Variants in FGGY observed in about 807,000 individuals in gnomAD.
FGGY encodes FGGY carbohydrate kinase domain-containing protein.
Under a neutral mutation model 71.3 loss-of-function variants are expected in FGGY, and 72 were observed. The ratio of observed to expected loss-of-function variants is 1.01; its 90% CI spans 0.84 to 1.23. FGGY has a LOEUF of 1.23. Ranked by LOEUF, FGGY falls within the 50% of genes most tolerant of loss-of-function variation. FGGY has a pLI of 0.00. For missense variants in FGGY, 668 were observed against 682.3 expected, an observed-to-expected ratio of 0.98 and a Z score of 0.23; for synonymous variants, 251 against 250.3, an observed-to-expected ratio of 1.00 and a Z score of -0.02.
intron 1 of FGGY, among the ~76,000 whole-genome samples, chr1:59,313,972 T>C (rs1370820170): frequency 6.6e-6 from 1 of 152,110 alleles, no homozygotes; most frequent in Non-Finnish European, 1.5e-5. Flanking sequence ...TTTTTTCTTT[T>C]TTTTTTTGAG....
In FGGY at chr1:59,375,268, A is replaced by AC. The variant is rs1381698737; in HGVS notation, c.466-3481_466-3480insC. ...AGTGAGACTCCATCTCAAAAAAGAA[A>AC]AAAAAAAAAAAAAAAGAAACAAACA... is the stretch of plus-strand genomic sequence containing the variant. On this transcript the variant is annotated intron_variant, in intron 4 of 15. Coordinates refer to ENST00000303721, the MANE Select transcript of FGGY (RefSeq NM_018291.5). 4.2e-5 allele frequency among the ~76,000 whole-genome samples: 6 copies of AC among 143,258 alleles called. 1 individual carries two copies. The highest frequency in any genetic ancestry group is 4.4e-5 in the Non-Finnish European group (3 of 67,516). The allele number at this position is 143,258 out of a possible 152,430, so 94.0% of individuals were successfully genotyped here. A position where few individuals can be genotyped will look rare whatever the true frequency, so the allele number is the denominator to read the frequency against.
chr1:59,745,285 C>T (rs932976139), intron 14 of FGGY, among the ~76,000 whole-genome samples: 1 of 152,162 alleles, frequency 6.6e-6, no homozygotes, highest in Non-Finnish European at 1.5e-5. Context: ...GATCCAAAAG[C>T]AGGGAACTTG....
At chr1:59,537,224 T>C (rs927021576) in intron 7 of FGGY, among the ~76,000 whole-genome samples, 1 of 151,766 alleles carries the variant, frequency 6.6e-6, no homozygotes, top group African/African-American at 2.4e-5. Flanking sequence ...GAGATCCAAA[T>C]CATGAGTGAA....
chr1:59,463,638 A>C (rs1373875809), intron 6 of FGGY, among the ~76,000 whole-genome samples: 2 of 151,844 alleles, frequency 1.3e-5, no homozygotes, highest in African/African-American at 4.8e-5. Context: ...AGAGACACAC[A>C]TAGGCTCAAA....
chr1:59,566,575 A>G (rs954352392), intron 8 of FGGY, among the ~76,000 whole-genome samples: 1 of 152,178 alleles, frequency 6.6e-6, no homozygotes, highest in Non-Finnish European at 1.5e-5. Flanking sequence ...AATGAAATTG[A>G]AAGTCCCTAC....
At chr1:59,666,944 A>G (rs919373435) in intron 12 of FGGY, among the ~76,000 whole-genome samples, 7 of 152,214 alleles carry the variant, frequency 4.6e-5, no homozygotes, top group African/African-American at 1.7e-4. Context: ...GGCCTGGGCT[A>G]TAGTAGACAC....
intron 6 of FGGY, among the ~76,000 whole-genome samples, chr1:59,464,457 T>C (rs996878847): frequency 6.6e-6 from 1 of 152,134 alleles, no homozygotes; most frequent in South Asian, 2.1e-4. Context: ...TTAAAAGAAC[T>C]AGAGAAGCAA....
intron 6 of FGGY, among the ~76,000 whole-genome samples, chr1:59,486,420 A>G (rs891643100): frequency 1.3e-5 from 2 of 152,186 alleles, no homozygotes; most frequent in Non-Finnish European, 2.9e-5. Flanking sequence ...TGGCATCTAA[A>G]GGATTCAGGG....
chr1:59,697,751 CAA>C, intron 14 of FGGY: 1 of 1,280,246 alleles, frequency 7.8e-7, no homozygotes, highest in Non-Finnish European at 1.0e-6. Context: ...GTAGGTGACA[CAA>C]GAGGTAAACA....
chr1:59,558,163 C>T (rs886387508), intron 8 of FGGY, among the ~76,000 whole-genome samples: 1 of 152,046 alleles, frequency 6.6e-6, no homozygotes, highest in Non-Finnish European at 1.5e-5. Context: ...TCAAATTAGG[C>T]CATCTTTGTA....
At chr1:59,727,077 G>A (rs1281213178) in intron 14 of FGGY, among the ~76,000 whole-genome samples, 1 of 151,988 alleles carries the variant, frequency 6.6e-6, no homozygotes, top group Non-Finnish European at 1.5e-5. Flanking sequence ...AGTGTCTCTT[G>A]TTCCCATGTT....
At chr1:59,368,783 G>C (rs1016994074) in intron 4 of FGGY, among the ~76,000 whole-genome samples, 12 of 152,152 alleles carry the variant, frequency 7.9e-5, no homozygotes, top group African/African-American at 2.4e-4. Flanking sequence ...TTGTGAATCA[G>C]GTAGCCTAAT....
At chr1:59,759,054 T>G (rs537724845) in intron 15 of FGGY, among the ~76,000 whole-genome samples, 25 of 152,298 alleles carry the variant, frequency 1.6e-4, no homozygotes, top group African/African-American at 5.3e-4. Context: ...AGACCTCTAT[T>G]AATTTGCTGG....
chr1:59,753,656 G>A (rs1003594005), intron 14 of FGGY, among the ~76,000 whole-genome samples: 5 of 150,718 alleles, frequency 3.3e-5, no homozygotes, highest in East Asian at 3.9e-4. Context: ...ATATTGATCC[G>A]ATCTTTATTA....
chr1:59,640,798 C>A (rs1438334267), intron 11 of FGGY, among the ~76,000 whole-genome samples: 1 of 150,832 alleles, frequency 6.6e-6, no homozygotes, highest in Non-Finnish European at 1.5e-5. Flanking sequence ...TATTAATTTC[C>A]AAGTAAATGA....
intron 14 of FGGY, among the ~76,000 whole-genome samples, chr1:59,711,715 T>C (rs1396813776): frequency 6.6e-6 from 1 of 151,976 alleles, no homozygotes. Flanking sequence ...GCAGAGAAAC[T>C]CCCATTTTTA....
chr1:59,560,280 G>A (rs976782504), intron 8 of FGGY, among the ~76,000 whole-genome samples: 4 of 152,122 alleles, frequency 2.6e-5, no homozygotes, highest in Non-Finnish European at 5.9e-5. Context: ...TCTCAAAGCT[G>A]TCATCCAGGT....
chr1:59,404,007 A>C (rs1377024919), intron 5 of FGGY, among the ~76,000 whole-genome samples: 1 of 152,220 alleles, frequency 6.6e-6, no homozygotes, highest in African/African-American at 2.4e-5. Flanking sequence ...ATAAGATAAA[A>C]TTATATAATT....
At chr1:59,459,318 A>T (rs1019136583) in intron 6 of FGGY, among the ~76,000 whole-genome samples, 2 of 152,232 alleles carry the variant, frequency 1.3e-5, no homozygotes, top group Non-Finnish European at 2.9e-5. Flanking sequence ...ATAACATGCA[A>T]GTTTCTAAAG....
Sources: allele counts gnomAD v4.1 joint callset (sites outside exome capture counted in the v4.1 genomes callset), GRCh38; gene constraint gnomAD v4.1.1; transcripts MANE v1.5; gene names NCBI Gene and HGNC (gene_info 2026-07-23, HGNC 2026-07-21).